The following GRM7 variants were observed in gnomAD, a reference collection of about 807,000 sequenced individuals.
GRM7 encodes glutamate metabotropic receptor 7.
Under a neutral mutation model 84.5 loss-of-function variants are expected in GRM7, and 35 were observed. The observed-to-expected ratio is 0.41, with a 90% CI of 0.32 to 0.55. The LOEUF is 0.55. Ranked by LOEUF, GRM7 falls within the 20% of genes least tolerant of loss-of-function variation. The pLI is 0.19. For synonymous variants in GRM7, 487 were observed against 455.1 expected (o/e 1.07, Z -0.89); for missense variants, 1,003 against 1,194.6 (o/e 0.84, Z 2.36).
chr3:7,094,647 G>T (rs980885945), intron 1 of GRM7, among the ~76,000 whole-genome samples: 1 of 152,156 alleles, frequency 6.6e-6, no homozygotes, highest in Non-Finnish European at 1.5e-5. Flanking sequence ...ATAGGCAATA[G>T]AACTATGATG....
chr3:7,121,339 A>G (rs1331796760), intron 1 of GRM7, among the ~76,000 whole-genome samples: 2 of 81,524 alleles, frequency 2.5e-5, no homozygotes, highest in African/African-American at 5.1e-5. Flanking sequence ...CTATTCATCC[A>G]TCCATCCATC....
At chr3:7,366,202 A>G (rs1693886425) in intron 4 of GRM7, among the ~76,000 whole-genome samples, 1 of 151,850 alleles carries the variant, frequency 6.6e-6, no homozygotes, top group Non-Finnish European at 1.5e-5. Flanking sequence ...CCTCATGTGT[A>G]ATAGCCTAGA....
At chr3:7,621,486 G>A (rs1410928065) in intron 8 of GRM7, among the ~76,000 whole-genome samples, 1 of 152,152 alleles carries the variant, frequency 6.6e-6, no homozygotes, top group Admixed American at 6.6e-5. Flanking sequence ...GAATGCACCT[G>A]TAAAATGTGA....
At chr3:7,365,328 C>T in intron 4 of GRM7, among the ~76,000 whole-genome samples, 1 of 151,618 alleles carries the variant, frequency 6.6e-6, no homozygotes, top group Non-Finnish European at 1.5e-5. Flanking sequence ...TGAATGTTAA[C>T]TCACACTCTT....
At chr3:7,101,970 C>A (rs1699124614) in intron 1 of GRM7, among the ~76,000 whole-genome samples, 1 of 151,146 alleles carries the variant, frequency 6.6e-6, no homozygotes, top group Admixed American at 6.6e-5. Context: ...ATTATAAATT[C>A]ATTTAATTTA....
At chr3:7,246,534 G>T (rs969075737) in intron 2 of GRM7, among the ~76,000 whole-genome samples, 2 of 152,070 alleles carry the variant, frequency 1.3e-5, no homozygotes, top group East Asian at 1.9e-4. Flanking sequence ...AAAATTCCTG[G>T]ATGGCTATCA....
chr3:7,623,274 A>C (rs888111119), intron 8 of GRM7, among the ~76,000 whole-genome samples: 1 of 152,164 alleles, frequency 6.6e-6, no homozygotes, highest in African/African-American at 2.4e-5. Context: ...ATGAAGGAGA[A>C]CAGTGTGCAG....
chr3:7,274,715 T>A (rs1258798360), intron 2 of GRM7, among the ~76,000 whole-genome samples: 1 of 152,066 alleles, frequency 6.6e-6, no homozygotes, highest in Non-Finnish European at 1.5e-5. Context: ...TATTTTTAAT[T>A]TTCTGTAGTT....
chr3:7,067,470 G>A (rs1697710272), intron 1 of GRM7, among the ~76,000 whole-genome samples: 2 of 151,976 alleles, frequency 1.3e-5, no homozygotes, highest in African/African-American at 4.8e-5. Context: ...CCTAACAAAG[G>A]AGTTGAAAGA....
intron 1 of GRM7, among the ~76,000 whole-genome samples, chr3:6,887,369 A>C (rs1310540266): frequency 6.6e-6 from 1 of 152,000 alleles, no homozygotes; most frequent in African/African-American, 2.4e-5. Context: ...TCCTAATGCT[A>C]TCCCTCCCCC....
chr3:7,029,913 T>C (rs1696128600), intron 1 of GRM7, among the ~76,000 whole-genome samples: 1 of 152,210 alleles, frequency 6.6e-6, no homozygotes, highest in Non-Finnish European at 1.5e-5. Flanking sequence ...TTATGTATAA[T>C]ATCTAAGCAT....
chr3:6,938,049 G>A (rs1372496129), intron 1 of GRM7, among the ~76,000 whole-genome samples: 1 of 152,198 alleles, frequency 6.6e-6, no homozygotes, highest in East Asian at 1.9e-4. Context: ...TTCAGCCAGT[G>A]CACAAGTTAG....
At chr3:7,339,670 G>T (rs1258206626) in intron 4 of GRM7, among the ~76,000 whole-genome samples, 1 of 152,014 alleles carries the variant, frequency 6.6e-6, no homozygotes. Flanking sequence ...TTGATCCAAG[G>T]GAAATCCTGC....
chr3:7,265,254 A>G (rs917753588), intron 2 of GRM7, among the ~76,000 whole-genome samples: 2 of 152,206 alleles, frequency 1.3e-5, no homozygotes, highest in Non-Finnish European at 2.9e-5. Context: ...TTTTGATCTG[A>G]CTTGACTTTA....
intron 4 of GRM7, among the ~76,000 whole-genome samples, chr3:7,364,791 A>G (rs959321204): frequency 6.6e-6 from 1 of 151,826 alleles, no homozygotes; most frequent in African/African-American, 2.4e-5. Context: ...CTTATTTTTA[A>G]TGCAAGTGCT....
At chr3:7,637,484 T>TA (rs1698151435) in intron 8 of GRM7, among the ~76,000 whole-genome samples, 2 of 152,258 alleles carry the variant, frequency 1.3e-5, no homozygotes, top group East Asian at 1.9e-4. Context: ...AACCCTCTAT[T>TA]AAAAAATCCA....
At chr3:7,311,145 CT>C (rs893261280) in intron 4 of GRM7, among the ~76,000 whole-genome samples, 6 of 152,054 alleles carry the variant, frequency 3.9e-5, no homozygotes, top group Non-Finnish European at 8.8e-5. Flanking sequence ...AGAGAAAAAT[CT>C]TTTTAAAAAA....
chr3:6,874,614 C>A (rs1217079167), intron 1 of GRM7, among the ~76,000 whole-genome samples: 2 of 152,174 alleles, frequency 1.3e-5, no homozygotes, highest in African/African-American at 4.8e-5. Flanking sequence ...GCAACTTGAC[C>A]ATTAGTGAGA....
chr3:7,347,093 C>G (rs1438179509), intron 4 of GRM7, among the ~76,000 whole-genome samples: 3 of 152,122 alleles, frequency 2.0e-5, no homozygotes, highest in African/African-American at 7.2e-5. Flanking sequence ...GTGTGTTAAG[C>G]TTCTCCAACT....
Sources: gnomAD v4.1 joint callset for allele counts (sites outside exome capture counted in the v4.1 genomes callset) on GRCh38, gnomAD v4.1.1 for gene constraint, MANE v1.5 for transcripts, NCBI Gene and HGNC (gene_info 2026-07-23, HGNC 2026-07-21) for gene names.